DSCAML1: variants seen among roughly 807,000 people sequenced by gnomAD.
DSCAML1 encodes DS cell adhesion molecule like 1.
A neutral mutation model predicts 200.5 loss-of-function variants in DSCAML1; 38 were observed. The ratio of observed to expected loss-of-function variants is 0.19; its 90% CI spans 0.15 to 0.25. DSCAML1 has a LOEUF of 0.25. DSCAML1 is among the 10% of genes least tolerant of loss of function. The pLI is 1.00. For missense variants in DSCAML1, 2,223 were observed against 2,858.8 expected, an observed-to-expected ratio of 0.78 and a Z score of 5.07; for synonymous variants, 1,215 against 1,165.0, an observed-to-expected ratio of 1.04 and a Z score of -0.87.
chr11:117,814,907 A>G (rs2055791392), intron 1 of DSCAML1, among the ~76,000 whole-genome samples: 1 of 152,180 alleles, frequency 6.6e-6, no homozygotes, highest in African/African-American at 2.4e-5. Flanking sequence ...ATGAGACCTG[A>G]AGTAGTATTT....
chr11:117,769,552 A>ATAT (rs2055000944), intron 3 of DSCAML1, among the ~76,000 whole-genome samples: 3 of 67,878 alleles, frequency 4.4e-5, no homozygotes, highest in African/African-American at 2.7e-4. Flanking sequence ...TATATTTTAT[A>ATAT]TATATATTTT....
chr11:117,787,343 T>C (rs1214072755), intron 1 of DSCAML1, among the ~76,000 whole-genome samples: 1 of 152,230 alleles, frequency 6.6e-6, no homozygotes, highest in Non-Finnish European at 1.5e-5. Flanking sequence ...AGCATTATCA[T>C]TATAGCAGGC....
At chr11:117,624,702 C>T (rs1186001061) in intron 3 of DSCAML1, among the ~76,000 whole-genome samples, 1 of 152,152 alleles carries the variant, frequency 6.6e-6, no homozygotes, top group East Asian at 1.9e-4. Context: ...TATTCTCCTT[C>T]AAAAGCTCCT....
chr11:117,487,532 C>G (rs956962152), intron 11 of DSCAML1, among the ~76,000 whole-genome samples: 2 of 152,180 alleles, frequency 1.3e-5, no homozygotes, highest in Non-Finnish European at 2.9e-5. Flanking sequence ...GAGGGCAGTA[C>G]TGAACACACA....
At chr11:117,546,245 C>T (rs1342665200) in intron 3 of DSCAML1, among the ~76,000 whole-genome samples, 2 of 152,192 alleles carry the variant, frequency 1.3e-5, no homozygotes, top group Admixed American at 6.5e-5. Context: ...GCAGAGAGAA[C>T]CCAGCTCTGC....
intron 8 of DSCAML1, among the ~76,000 whole-genome samples, chr11:117,506,507 A>C (rs577964165): frequency 6.6e-6 from 1 of 151,684 alleles, no homozygotes; most frequent in Non-Finnish European, 1.5e-5. Flanking sequence ...TGCCTCTCCA[A>C]GAAAGCCCCA....
intron 3 of DSCAML1, among the ~76,000 whole-genome samples, chr11:117,538,696 C>T (rs1030062275): frequency 1.3e-5 from 2 of 152,034 alleles, no homozygotes; most frequent in African/African-American, 2.4e-5. Context: ...GGGTTTCTGG[C>T]AGCCCCAGAG....
At chr11:117,713,470 C>A (rs1036760310) in intron 3 of DSCAML1, among the ~76,000 whole-genome samples, 1 of 152,094 alleles carries the variant, frequency 6.6e-6, no homozygotes, top group Non-Finnish European at 1.5e-5. Flanking sequence ...ACCATGGAAC[C>A]CACGTTGGCC....
At chr11:117,700,457 T>C (rs2053647942) in intron 3 of DSCAML1, among the ~76,000 whole-genome samples, 1 of 152,112 alleles carries the variant, frequency 6.6e-6, no homozygotes, top group African/African-American at 2.4e-5. Context: ...CCAGCACTCT[T>C]GTGACCACTA....
intron 3 of DSCAML1, among the ~76,000 whole-genome samples, chr11:117,701,994 A>G (rs1043048901): frequency 6.6e-6 from 1 of 152,114 alleles, no homozygotes; most frequent in African/African-American, 2.4e-5. Flanking sequence ...CTCCAGTTAC[A>G]CAGTCCCGTG....
intron 21 of DSCAML1, among the ~76,000 whole-genome samples, chr11:117,440,961 C>G (rs2048034384): frequency 6.8e-6 from 1 of 148,132 alleles, no homozygotes; most frequent in South Asian, 2.1e-4. Context: ...GTGGTGTCCT[C>G]AGCCGATTTC....
In DSCAML1 at chr11:117,584,526, G is replaced by T. The variant is rs141039161; in HGVS notation, c.512-52004C>A. Reference sequence around the variant, plus strand: ...GATGTCTGGCATCAACACTTGCTCGGCACAAAACTAGATCACTACTGTCTT... The same window carrying T: ...GATGTCTGGCATCAACACTTGCTCGTCACAAAACTAGATCACTACTGTCTT... On this transcript the variant is annotated intron_variant, in intron 3 of 32. Transcript: ENST00000651296. Among the ~76,000 whole-genome samples the T allele has an allele frequency of 8.4e-3, 1,282 of 152,274 alleles. 25 individuals are homozygous for T. Among genetic ancestry groups the T allele is most frequent in the African/African-American group, 0.029 (1,217 of 41,546 alleles).
At chr11:117,715,096 A>T (rs573554236) in intron 3 of DSCAML1, among the ~76,000 whole-genome samples, 6 of 118,482 alleles carry the variant, frequency 5.1e-5, no homozygotes, top group African/African-American at 1.9e-4. Flanking sequence ...CAATTTCGTC[A>T]GTTAAAAATA....
intron 3 of DSCAML1, among the ~76,000 whole-genome samples, chr11:117,729,040 T>A (rs2054177822): frequency 1.3e-5 from 2 of 152,196 alleles, no homozygotes; most frequent in Non-Finnish European, 2.9e-5. Context: ...GCTACGGTAA[T>A]CAAGATAGTG....
In DSCAML1 at chr11:117,785,911, G is replaced by GAAGAGATGGAGTC. The variant is rs1253486795; in HGVS notation, c.47-5114_47-5102dup. On this transcript the variant is annotated intron_variant, in intron 1 of 32. Transcript: ENST00000651296. ...ATCTTCTCCAAGATCCTACAGCCAG[G>GAAGAGATGGAGTC]AAGAGATGGAGTCAAAATTCAACCA... 1.2e-4 allele frequency among the ~76,000 whole-genome samples: 18 copies of GAAGAGATGGAGTC among 152,282 alleles called. No homozygotes were observed. The South Asian group carries it at 1.7e-3, about 14-fold the overall frequency.
chr11:117,434,728 T>A (rs778810565), intron 27 of DSCAML1, among the ~76,000 whole-genome samples: 1 of 152,082 alleles, frequency 6.6e-6, no homozygotes, highest in Non-Finnish European at 1.5e-5. Context: ...TATTCAGTGA[T>A]CCATTCAACC....
chr11:117,580,552 G>A (rs1420421878), intron 3 of DSCAML1, among the ~76,000 whole-genome samples: 2 of 145,706 alleles, frequency 1.4e-5, no homozygotes, highest in Non-Finnish European at 3.0e-5. Context: ...TCTTTGTGAT[G>A]CCTTGCACCC....
chr11:117,461,201 C>A (rs796784835), intron 18 of DSCAML1, among the ~76,000 whole-genome samples: 2 of 151,988 alleles, frequency 1.3e-5, no homozygotes, highest in East Asian at 1.9e-4. Context: ...ACCACCCCCC[C>A]ACCTTGCTCC....
chr11:117,491,266 C>T (rs570419893), intron 11 of DSCAML1, among the ~76,000 whole-genome samples: 1 of 152,356 alleles, frequency 6.6e-6, no homozygotes, highest in Admixed American at 6.5e-5. Context: ...GTCTGTTATA[C>T]TGAGAGCTTA....
Sources: gnomAD v4.1 joint callset for allele counts (sites outside exome capture counted in the v4.1 genomes callset) on GRCh38, gnomAD v4.1.1 for gene constraint, MANE v1.5 for transcripts, NCBI Gene and HGNC (gene_info 2026-07-23, HGNC 2026-07-21) for gene names.